CCDC33: variants seen among roughly 807,000 people sequenced by gnomAD.
The protein encoded by CCDC33 is coiled-coil domain containing 33.
In CCDC33, 94 loss-of-function variants were observed where a neutral mutation model predicts 91.9. That is an observed-to-expected ratio of 1.02 (90% CI 0.87 to 1.21). The LOEUF (loss-of-function observed/expected upper bound fraction) is 1.21. Among genes scored for constraint, CCDC33 ranks in the 50% most tolerant of loss-of-function variants. CCDC33 has a pLI of 0.00. For missense variants in CCDC33, 940 were observed against 935.5 expected, an observed-to-expected ratio of 1.00 and a Z score of -0.06; for synonymous variants, 396 against 374.5, an observed-to-expected ratio of 1.06 and a Z score of -0.66.
Position 74,236,413 on chromosome 15 carries a change from C to G in CCDC33, c.-307C>G. The G allele has an allele frequency of 2.5e-6, 1 of 398,670 alleles. No individual in the cohort carries two copies. Among genetic ancestry groups the G allele is most frequent in the Non-Finnish European group, 4.5e-6 (1 of 222,476 alleles). 24.7% of individuals were successfully genotyped at this position (398,670 alleles called of 1,614,324 possible). On this transcript the variant is annotated 5_prime_UTR_variant, in exon 1 of 19. Transcript: ENST00000398814. ...GTGCCAAGAGTCAATTGCCTCATTGCTGACCCTGTCCAGCTGGCCATGGCC... is the reference window on the plus strand; with the variant it reads ...GTGCCAAGAGTCAATTGCCTCATTGGTGACCCTGTCCAGCTGGCCATGGCC...
intron 16 of CCDC33, chr15:74,333,408 A>G: frequency 2.1e-6 from 2 of 952,360 alleles, no homozygotes; most frequent in Non-Finnish European, 3.3e-6. Flanking sequence ...ATAAACCCCA[A>G]AGCAGAACAT....
chr15:74,282,869 C>T (rs2059395612), intron 10 of CCDC33, among the ~76,000 whole-genome samples: 1 of 152,190 alleles, frequency 6.6e-6, no homozygotes, highest in African/African-American at 2.4e-5. Flanking sequence ...GACTTTCCCT[C>T]TTTCCTCTCA....
At chr15:74,299,891 C>A (rs1457821914) in intron 11 of CCDC33, 1 of 152,430 alleles carries the variant, frequency 6.6e-6, no homozygotes, top group Non-Finnish European at 1.5e-5. Flanking sequence ...CACTCTCTCG[C>A]TCTCCTCAGA....
chr15:74,305,981 A>G (rs2059886955), intron 11 of CCDC33, among the ~76,000 whole-genome samples: 1 of 152,136 alleles, frequency 6.6e-6, no homozygotes, highest in Non-Finnish European at 1.5e-5. Flanking sequence ...GTGGATGGCA[A>G]TGCACTGGAA....
chr15:74,240,635 C>CT (rs2075317471), intron 1 of CCDC33, among the ~76,000 whole-genome samples: 1 of 152,144 alleles, frequency 6.6e-6, no homozygotes, highest in Non-Finnish European at 1.5e-5. Flanking sequence ...GAGTCTCACT[C>CT]TATCACCCAG....
chr15:74,308,580 C>T (rs973431286), intron 11 of CCDC33, among the ~76,000 whole-genome samples: 4 of 152,092 alleles, frequency 2.6e-5, no homozygotes, highest in African/African-American at 9.7e-5. Flanking sequence ...ATGTGGGCTG[C>T]GCCTTTAAAT....
chr15:74,300,717 T>C (rs2059778238), intron 11 of CCDC33: 1 of 152,272 alleles, frequency 6.6e-6, no homozygotes, highest in Non-Finnish European at 1.5e-5. Flanking sequence ...GCTCTGGGAA[T>C]AGATGAGAGT....
intron 9 of CCDC33, among the ~76,000 whole-genome samples, chr15:74,281,050 T>C (rs527835676): frequency 9.9e-5 from 15 of 152,232 alleles, no homozygotes; most frequent in Non-Finnish European, 1.8e-4. Flanking sequence ...GGGAGACAAG[T>C]ACAGGGTGAC....
intron 11 of CCDC33, among the ~76,000 whole-genome samples, chr15:74,320,848 G>T (rs1450193879): frequency 1.3e-5 from 2 of 152,172 alleles, no homozygotes; most frequent in African/African-American, 2.4e-5. Context: ...CTCTGGTGGT[G>T]ATGAGGTTCC....
Position 74,230,376 on chromosome 15 carries a change from G to A in CCDC33, c.675+11515G>A, listed in dbSNP as rs544032761. Among the ~76,000 whole-genome samples the A allele has an allele frequency of 2.0e-5, 3 of 152,268 alleles. No individual in the cohort carries two copies. The East Asian group carries it at 5.8e-4, about 29-fold the overall frequency. On this transcript the variant is annotated intron_variant, in intron 2 of 2. Coordinates refer to the CCDC33 transcript ENST00000635913. ...AGCACTGCTTCTGCCCCTCCTGATG[G>A]AAGGAAATGGCAGGCAGCTTCATTG...
rs958193542 is a variant in CCDC33, at chr15:74,263,379, G to T, written c.319+806G>T. On this transcript the variant is annotated intron_variant, in intron 3 of 18. Transcript: ENST00000398814. The stretch of plus-strand genomic sequence containing the variant: ...ACCTCAGACTTGCTTCTTGCAGGTG[G>T]TCTCTCCCTGAGAGGACAGGCTTTG... 7.2e-5 allele frequency among the ~76,000 whole-genome samples: 11 copies of T among 152,190 alleles called. No homozygotes were observed. The South Asian group carries it at 2.3e-3, about 32-fold the overall frequency.
At chr15:74,212,381 C>G (rs2074376626), upstream of CCDC33, 1 of 152,320 alleles carries the variant, frequency 6.6e-6, no homozygotes, top group South Asian at 2.1e-4. Context: ...AGGGCAAGCC[C>G]AGGGATCACT....
chr15:74,321,883 G>C (rs1347190914), intron 11 of CCDC33, among the ~76,000 whole-genome samples: 1 of 152,122 alleles, frequency 6.6e-6, no homozygotes, highest in Non-Finnish European at 1.5e-5. Context: ...TGCCATCAAG[G>C]TCTTTAGGAG....
intron 2 of CCDC33, among the ~76,000 whole-genome samples, chr15:74,257,244 T>C (rs1227557506): frequency 6.6e-6 from 1 of 152,216 alleles, no homozygotes; most frequent in African/African-American, 2.4e-5. Flanking sequence ...ACAGCCCTGC[T>C]CATGCCTTAA....
chr15:74,207,773 G>A, intron 1 of CCDC33: 1 of 1,535,686 alleles, frequency 6.5e-7, no homozygotes, highest in Non-Finnish European at 8.7e-7. Context: ...CGTGAGCTTG[G>A]GGTGTGCCCT....
At chr15:74,257,700 A>G (rs2075911035) in intron 2 of CCDC33, among the ~76,000 whole-genome samples, 1 of 152,220 alleles carries the variant, frequency 6.6e-6, no homozygotes. Flanking sequence ...CTAAGTGGAA[A>G]GATCCTCCAA....
chr15:74,208,012 T>G, intron 1 of CCDC33: 2 of 1,385,006 alleles, frequency 1.4e-6, no homozygotes, highest in South Asian at 3.2e-5. Context: ...GTGCCCTTCC[T>G]GCAATTCTCA....
Position 74,245,302 on chromosome 15 carries a change from T to C in CCDC33, c.185+1154T>C, listed in dbSNP as rs184142301. Among the ~76,000 whole-genome samples, 9 of 152,156 alleles carry C rather than the reference T, an allele frequency of 5.9e-5. No homozygotes were observed. The East Asian group carries it at 1.7e-3, about 29-fold the overall frequency. ...GTCCCTGCCCCCCCAGGGCCCCCAC[T>C]GTGAAAGGGGGGTAGAAGCTGTGCC... On this transcript the variant is annotated intron_variant, in intron 2 of 18. Coordinates refer to ENST00000398814, the MANE Select transcript of CCDC33 (RefSeq NM_025055.5).
intron 17 of CCDC33, among the ~76,000 whole-genome samples, chr15:74,334,681 T>C (rs189595324): frequency 1.4e-5 from 2 of 139,522 alleles, no homozygotes; most frequent in Non-Finnish European, 3.0e-5. Context: ...TCAGGGTTCA[T>C]TGTGTGACCA....
Sources: allele counts gnomAD v4.1 joint callset (sites outside exome capture counted in the v4.1 genomes callset), GRCh38; gene constraint gnomAD v4.1.1; transcripts MANE v1.5; gene names NCBI Gene and HGNC (gene_info 2026-07-23, HGNC 2026-07-21).